CLEC16A: variants seen among roughly 807,000 people sequenced by gnomAD.
CLEC16A encodes the protein protein CLEC16A.
Under a neutral mutation model 109.5 loss-of-function variants are expected in CLEC16A, and 51 were observed. The observed-to-expected ratio is 0.47, with a 90% CI of 0.37 to 0.59. The LOEUF (loss-of-function observed/expected upper bound fraction) is 0.59, where lower values mean the gene tolerates loss of function less well. Ranked by LOEUF, CLEC16A falls within the 20% of genes least tolerant of loss-of-function variation. The pLI is 0.00. For missense variants in CLEC16A, 1,339 were observed against 1,394.0 expected (o/e 0.96, Z 0.63); for synonymous variants, 673 against 564.2 (o/e 1.19, Z -2.73).
At chr16:11,137,128 G>A (rs2053604241) in intron 22 of CLEC16A, among the ~76,000 whole-genome samples, 1 of 152,182 alleles carries the variant, frequency 6.6e-6, no homozygotes, top group African/African-American at 2.4e-5. Flanking sequence ...TCTCAAGTCT[G>A]TATCTAAAGG....
At chr16:11,054,829 A>G (rs1423715732) in intron 18 of CLEC16A, among the ~76,000 whole-genome samples, 1 of 152,114 alleles carries the variant, frequency 6.6e-6, no homozygotes, top group Non-Finnish European at 1.5e-5. Context: ...AGGAAGTTAC[A>G]TGGTTTAGCA....
chr16:11,103,104 A>G (rs1375235192), intron 19 of CLEC16A, among the ~76,000 whole-genome samples: 9 of 152,200 alleles, frequency 5.9e-5, no homozygotes, highest in African/African-American at 1.9e-4. Flanking sequence ...TCTGGCGGAA[A>G]TGAGGTGAAG....
rs72770102 is a variant in CLEC16A at position 11,073,634 on chromosome 16, C to A, written c.2116+12612C>A. ...TCTTGCTGCATCTGCCCACACAGTG[C>A]CCAGGCTGCTCACAGGCTCCTGGAC... On this transcript the variant is annotated intron_variant, in intron 19 of 23. Transcript: ENST00000409790. 5.0e-3 allele frequency among the ~76,000 whole-genome samples: 755 copies of A among 152,332 alleles called. 5 individuals carry two copies. The highest frequency in any genetic ancestry group is 8.7e-3 in the Non-Finnish European group (593 of 68,030).
At chr16:10,967,559 A>C (rs951683947) in intron 3 of CLEC16A, among the ~76,000 whole-genome samples, 2 of 152,166 alleles carry the variant, frequency 1.3e-5, no homozygotes, top group Non-Finnish European at 2.9e-5. Flanking sequence ...TGAATCTCCG[A>C]ATAATAGTAA....
At chr16:11,139,640 C>G (rs1199426174) in intron 22 of CLEC16A, among the ~76,000 whole-genome samples, 1 of 152,186 alleles carries the variant, frequency 6.6e-6, no homozygotes, top group Non-Finnish European at 1.5e-5. Flanking sequence ...TCTGTCACTC[C>G]CTGCTGTGAG....
intron 1 of CLEC16A, among the ~76,000 whole-genome samples, chr16:10,950,547 T>C (rs2041675181): frequency 6.6e-6 from 1 of 152,190 alleles, no homozygotes; most frequent in Admixed American, 6.5e-5. Flanking sequence ...GTTTGACATC[T>C]TTGGGGGATG....
chr16:11,055,706 G>A (rs2048179756), intron 18 of CLEC16A, among the ~76,000 whole-genome samples: 1 of 141,660 alleles, frequency 7.1e-6, no homozygotes, highest in African/African-American at 2.6e-5. Context: ...TCCTGCCTCA[G>A]CCTCTACAGT....
At chr16:11,101,945 G>T (rs759572069) in intron 19 of CLEC16A, among the ~76,000 whole-genome samples, 4 of 150,980 alleles carry the variant, frequency 2.6e-5, no homozygotes, top group Non-Finnish European at 4.4e-5. Flanking sequence ...TGGGACCACA[G>T]GTGCACACCA....
intron 11 of CLEC16A, among the ~76,000 whole-genome samples, chr16:11,013,104 T>A (rs146794312): frequency 1.1e-4 from 16 of 152,254 alleles, no homozygotes; most frequent in Non-Finnish European, 1.9e-4. Context: ...AACCAGAATA[T>A]GTGGCAAAAA....
intron 13 of CLEC16A, among the ~76,000 whole-genome samples, chr16:11,035,109 T>A (rs1036975455): frequency 6.6e-6 from 1 of 152,192 alleles, no homozygotes; most frequent in Non-Finnish European, 1.5e-5. Flanking sequence ...CCATCCTAAG[T>A]ACAGTGATGG....
At chr16:11,175,175 T>C (rs534197582) in intron 23 of CLEC16A, among the ~76,000 whole-genome samples, 2 of 152,312 alleles carry the variant, frequency 1.3e-5, no homozygotes, top group Admixed American at 6.5e-5. Flanking sequence ...GACAAGGATG[T>C]GTTAAGGCCC....
At chr16:11,093,976 A>G (rs186406700) in intron 19 of CLEC16A, among the ~76,000 whole-genome samples, 1 of 152,162 alleles carries the variant, frequency 6.6e-6, no homozygotes, top group Admixed American at 6.5e-5. Context: ...CAGGCTTCCT[A>G]GCCTGTTGGG....
chr16:11,074,195 G>A (rs550429689), intron 19 of CLEC16A, among the ~76,000 whole-genome samples: 1 of 151,752 alleles, frequency 6.6e-6, no homozygotes, highest in African/African-American at 2.4e-5. Context: ...CTTTGAGGCA[G>A]GCACCCTGAA....
In CLEC16A at chr16:11,084,159, C is replaced by T. The variant is rs539613036; in HGVS notation, c.2116+23137C>T. On this transcript the variant is annotated intron_variant, in intron 19 of 23. Transcript: ENST00000409790. The stretch of plus-strand genomic sequence containing the variant: ...CTTCAGCTCTGGGCCTTCATACAGG[C>T]CCATCCCTCTGCTTGGGATGCTTAT... Among the ~76,000 whole-genome samples the T allele has an allele frequency of 3.3e-5, 5 of 152,146 alleles. No homozygotes were observed. The South Asian group carries it at 6.2e-4, about 19-fold the overall frequency.
intron 21 of CLEC16A, 48 bp downstream of exon 21, chr16:11,123,994 C>T: frequency 6.5e-7 from 1 of 1,534,500 alleles, no homozygotes; most frequent in Non-Finnish European, 8.8e-7. Context: ...CTTGGTGGGT[C>T]AGGGCTGTTT....
At chr16:11,126,407 A>C in intron 22 of CLEC16A, 1 of 1,427,280 alleles carries the variant, frequency 7.0e-7, no homozygotes, top group Non-Finnish European at 9.1e-7. Context: ...GAATTGACTA[A>C]GAATTTTCTT....
At chr16:11,156,722 G>C (rs1479703600) in intron 22 of CLEC16A, 1 of 1,243,576 alleles carries the variant, frequency 8.0e-7, no homozygotes, top group Non-Finnish European at 1.1e-6. Context: ...GGCGAGGCAG[G>C]GACTGGGTCC....
chr16:11,151,992 C>G (rs556324852), intron 22 of CLEC16A, among the ~76,000 whole-genome samples: 3 of 151,934 alleles, frequency 2.0e-5, no homozygotes, highest in Non-Finnish European at 4.4e-5. Context: ...TCTCAGAGAA[C>G]CAGGGGGTTT....
intron 11 of CLEC16A, among the ~76,000 whole-genome samples, chr16:11,007,396 G>A (rs553995422): frequency 2.6e-5 from 4 of 152,248 alleles, no homozygotes; most frequent in South Asian, 4.1e-4. Context: ...ATTAGAGCCA[G>A]CCCCAGGCCT....
Sources: allele counts gnomAD v4.1 joint callset (sites outside exome capture counted in the v4.1 genomes callset), GRCh38; gene constraint gnomAD v4.1.1; transcripts MANE v1.5; gene names NCBI Gene and HGNC (gene_info 2026-07-23, HGNC 2026-07-21).